FBXW7: variants seen among roughly 807,000 people sequenced by gnomAD.
The protein encoded by FBXW7 is F-box/WD repeat-containing protein 7.
In FBXW7, 11 loss-of-function variants were observed where a neutral mutation model predicts 86.3. The observed-to-expected ratio is 0.13, with a 90% confidence interval of 0.08 to 0.21. The LOEUF (loss-of-function observed/expected upper bound fraction) is 0.21. FBXW7 is among the 10% of genes least tolerant of loss of function. The pLI is 1.00. For missense variants in FBXW7, 488 were observed against 847.4 expected (o/e 0.58, Z 5.27); for synonymous variants, 313 against 297.9 (o/e 1.05, Z -0.52).
intron 4 of FBXW7, 105 bp downstream of exon 4, chr4:152,411,198 C>A: frequency 7.3e-7 from 1 of 1,360,894 alleles, no homozygotes. Context: ...TATTACACAT[C>A]TTAAGATTAA....
chr4:152,528,771 TCATCA>T (rs1156268969), intron 2 of FBXW7, among the ~76,000 whole-genome samples: 1 of 152,196 alleles, frequency 6.6e-6, no homozygotes, highest in Non-Finnish European at 1.5e-5. Context: ...CAAGGAGGTA[TCATCA>T]GAAAGCAGCA....
intron 2 of FBXW7, among the ~76,000 whole-genome samples, chr4:152,445,763 AGCTGGGTGTGGTG>A (rs1399772511): frequency 1.3e-5 from 2 of 152,050 alleles, no homozygotes; most frequent in Non-Finnish European, 2.9e-5. Context: ...CAAAAAAATT[AGCTGGGTGTGGTG>A]GCAGGTGCCT....
At chr4:152,381,661 C>G (rs1467910057) in intron 4 of FBXW7, among the ~76,000 whole-genome samples, 1 of 152,032 alleles carries the variant, frequency 6.6e-6, no homozygotes, top group Admixed American at 6.6e-5. Context: ...CATATCGTAA[C>G]TGCCACACAA....
chr4:152,396,457 A>T (rs1020908808), intron 4 of FBXW7, among the ~76,000 whole-genome samples: 1 of 152,036 alleles, frequency 6.6e-6, no homozygotes, highest in Non-Finnish European at 1.5e-5. Flanking sequence ...TTGAGTGCTC[A>T]GCAATACTGT....
intron 2 of FBXW7, 89 bp from the exon 3 acceptor site, chr4:152,412,618 A>G (rs1738065256): frequency 6.6e-6 from 1 of 151,760 alleles, no homozygotes; most frequent in Non-Finnish European, 1.5e-5. Context: ...AAATGTAAAT[A>G]AAAATGTAAA....
At chr4:152,528,284 A>G (rs747588584) in intron 2 of FBXW7, among the ~76,000 whole-genome samples, 2 of 152,204 alleles carry the variant, frequency 1.3e-5, no homozygotes, top group African/African-American at 2.4e-5. Flanking sequence ...CAGCATAGCA[A>G]CAGAAACTGC....
intron 2 of FBXW7, among the ~76,000 whole-genome samples, chr4:152,417,881 C>T (rs1738587821): frequency 6.6e-6 from 1 of 151,976 alleles, no homozygotes; most frequent in African/African-American, 2.4e-5. Flanking sequence ...GGCAGAAGTA[C>T]TAGAATGGGG....
chr4:152,490,377 A>G (rs1171009435), intron 2 of FBXW7, among the ~76,000 whole-genome samples: 2 of 152,154 alleles, frequency 1.3e-5, no homozygotes, highest in African/African-American at 4.8e-5. Flanking sequence ...TAGAGGAAAA[A>G]TTTGTTACTT....
chr4:152,430,990 A>T (rs1190020189), intron 2 of FBXW7, among the ~76,000 whole-genome samples: 1 of 152,208 alleles, frequency 6.6e-6, no homozygotes, highest in Non-Finnish European at 1.5e-5. Flanking sequence ...AGTACAATCA[A>T]ACAGTACCTC....
intron 10 of FBXW7, 105 bp from the exon 11 acceptor site, chr4:152,328,494 G>T: frequency 1.4e-6 from 1 of 711,650 alleles, no homozygotes; most frequent in African/African-American, 1.9e-5. Context: ...TATTTAATTT[G>T]TTTGGCTCTT....
At chr4:152,473,018 T>C (rs892707211) in intron 2 of FBXW7, among the ~76,000 whole-genome samples, 1 of 152,234 alleles carries the variant, frequency 6.6e-6, no homozygotes, top group African/African-American at 2.4e-5. Context: ...ATAAAAAAAA[T>C]TTCCCGTAAA....
At position 152,434,964 on chromosome 4, in the gene FBXW7, C is replaced by T. The variant is rs536037710; in HGVS notation, c.-119-22435G>A. Among the ~76,000 whole-genome samples, 196 of 150,186 alleles carry T rather than the reference C, an allele frequency of 1.3e-3. 1 individual carries two copies. The highest frequency in any genetic ancestry group is 4.1e-3 in the African/African-American group (170 of 41,034). On this transcript the variant is annotated intron_variant, in intron 2 of 13. Coordinates refer to ENST00000281708, the MANE Select transcript of FBXW7 (RefSeq NM_001349798.2). ...CAACCTCCTTTCCCCCCGCTCCCCC[C>T]CCCCCACACACAAGCTCTTCCTTTA...
intron 2 of FBXW7, among the ~76,000 whole-genome samples, chr4:152,533,798 A>G (rs1479142957): frequency 6.6e-6 from 1 of 152,232 alleles, no homozygotes; most frequent in Non-Finnish European, 1.5e-5. Context: ...AAAAAAAAGG[A>G]CCAAACATTG....
chr4:152,347,137 T>C (rs1731352693), intron 5 of FBXW7, 66 bp from the exon 6 acceptor site: 8 of 1,317,936 alleles, frequency 6.1e-6, no homozygotes, highest in South Asian at 1.3e-5. Flanking sequence ...AAAGCAAAGA[T>C]AGATACTTAT....
chr4:152,429,341 G>C (rs1051139332), intron 2 of FBXW7, among the ~76,000 whole-genome samples: 11 of 117,666 alleles, frequency 9.3e-5, no homozygotes, highest in South Asian at 3.0e-4. Flanking sequence ...AATCTCATTT[G>C]ATTTCTTTTA....
At chr4:152,450,153 A>C (rs1271092152) in intron 2 of FBXW7, among the ~76,000 whole-genome samples, 1 of 152,196 alleles carries the variant, frequency 6.6e-6, no homozygotes, top group African/African-American at 2.4e-5. Context: ...GTTATACTTA[A>C]ATCAATTTCC....
chr4:152,425,942 T>C (rs955664097), intron 2 of FBXW7, among the ~76,000 whole-genome samples: 1 of 152,184 alleles, frequency 6.6e-6, no homozygotes, highest in Non-Finnish European at 1.5e-5. Context: ...GGGATTTTTC[T>C]GTCTCAGTTT....
chr4:152,455,621 C>T (rs930197808), intron 2 of FBXW7, among the ~76,000 whole-genome samples: 1 of 152,166 alleles, frequency 6.6e-6, no homozygotes, highest in African/African-American at 2.4e-5. Flanking sequence ...ATTTCAAAGC[C>T]ACTTTCACCT....
intron 7 of FBXW7, among the ~76,000 whole-genome samples, chr4:152,336,290 G>C (rs1474772186): frequency 6.6e-6 from 1 of 151,876 alleles, no homozygotes; most frequent in Non-Finnish European, 1.5e-5. Context: ...ATTTACCCTG[G>C]TTATTGATTA....
Sources: allele counts gnomAD v4.1 joint callset (sites outside exome capture counted in the v4.1 genomes callset), GRCh38; gene constraint gnomAD v4.1.1; transcripts MANE v1.5; gene names NCBI Gene and HGNC (gene_info 2026-07-23, HGNC 2026-07-21).